Variants in SND1 observed in about 807,000 individuals in gnomAD.
The protein encoded by SND1 is staphylococcal nuclease and tudor domain containing 1.
In SND1, 38 loss-of-function variants were observed where a neutral mutation model predicts 121.7. That is an observed-to-expected ratio of 0.31 (90% CI 0.24 to 0.41). The LOEUF (loss-of-function observed/expected upper bound fraction) is 0.41, where lower values mean the gene tolerates loss of function less well. SND1 is among the 10% of genes least tolerant of loss of function. SND1 has a pLI of 1.00. For synonymous variants in SND1, 401 were observed against 447.4 expected (o/e 0.90, Z 1.31); for missense variants, 868 against 1,184.6 (o/e 0.73, Z 3.92).
intron 10 of SND1, among the ~76,000 whole-genome samples, chr7:127,759,020 C>T (rs1403251606): frequency 6.6e-6 from 1 of 151,806 alleles, no homozygotes; most frequent in Non-Finnish European, 1.5e-5. Flanking sequence ...TGCCACTGCA[C>T]TCTGGCCTGG....
chr7:127,808,162 T>C lies in SND1; in HGVS notation c.1242+589T>C, dbSNP rs941539069. On this transcript the variant is annotated intron_variant, in intron 11 of 23. Transcript: ENST00000354725. ...CAGATTTTTGTGTAGCTTGATGGCT[T>C]CTTTTTTTTTTTTTTTTTGAGACAA... Among the ~76,000 whole-genome samples, 10 of 127,480 alleles carry C rather than the reference T, an allele frequency of 7.8e-5. 1 individual carries two copies. The highest frequency in any genetic ancestry group is 1.6e-4 in the Non-Finnish European group (10 of 62,862). 83.6% of individuals were successfully genotyped at this position (127,480 alleles called of 152,430 possible). A position where few individuals can be genotyped will look rare whatever the true frequency, so the allele number is the denominator to read the frequency against.
chr7:127,925,191 T>C (rs549328794), intron 14 of SND1, among the ~76,000 whole-genome samples: 1 of 152,280 alleles, frequency 6.6e-6, no homozygotes, highest in Admixed American at 6.5e-5. Flanking sequence ...TTTCTAAGAG[T>C]ACAGGAAAAT....
At chr7:127,877,858 A>G (rs997675256) in intron 12 of SND1, among the ~76,000 whole-genome samples, 56 of 152,098 alleles carry the variant, frequency 3.7e-4, no homozygotes, top group African/African-American at 1.2e-3. Flanking sequence ...CAGGGCTCAA[A>G]TGTAAGCTGC....
intron 2 of SND1, among the ~76,000 whole-genome samples, chr7:127,693,338 G>A (rs1048887307): frequency 1.3e-5 from 2 of 152,096 alleles, no homozygotes; most frequent in Non-Finnish European, 2.9e-5. Context: ...AGTGAATTGG[G>A]TTGGCCTCTG....
chr7:127,709,415 C>T (rs535875778), intron 9 of SND1, among the ~76,000 whole-genome samples: 6 of 152,256 alleles, frequency 3.9e-5, no homozygotes, highest in Non-Finnish European at 5.9e-5. Context: ...AGTACCCTGT[C>T]GTGTTCCTAC....
chr7:128,047,079 T>C (rs1178192653), intron 16 of SND1, among the ~76,000 whole-genome samples: 1 of 152,242 alleles, frequency 6.6e-6, no homozygotes, highest in African/African-American at 2.4e-5. Context: ...TGCAATCCTA[T>C]ATATTTCATG....
chr7:127,897,825 C>T (rs1252682990), intron 13 of SND1, among the ~76,000 whole-genome samples: 1 of 152,114 alleles, frequency 6.6e-6, no homozygotes, highest in Non-Finnish European at 1.5e-5. Context: ...AAAAGTGGTA[C>T]TTAAACGGTG....
chr7:127,688,481 G>A (rs1330033362), intron 2 of SND1, among the ~76,000 whole-genome samples: 2 of 150,398 alleles, frequency 1.3e-5, no homozygotes, highest in Non-Finnish European at 2.9e-5. Context: ...GCTGAGTGGG[G>A]ATGATTGCTT....
At chr7:127,951,995 A>C (rs1801473131) in intron 15 of SND1, among the ~76,000 whole-genome samples, 1 of 152,186 alleles carries the variant, frequency 6.6e-6, no homozygotes, top group South Asian at 2.1e-4. Context: ...TTCCCAGAGC[A>C]GAATAAGCCC....
At chr7:128,008,462 T>TC (rs1249662858) in intron 16 of SND1, among the ~76,000 whole-genome samples, 1 of 150,936 alleles carries the variant, frequency 6.6e-6, no homozygotes, top group African/African-American at 2.4e-5. Flanking sequence ...GCTTTTTCTT[T>TC]CCTTTTTTTT....
At position 127,803,242 on chromosome 7, in the gene SND1, G is replaced by A. The variant is rs1398559334; in HGVS notation, c.1153-4242G>A. On this transcript the variant is annotated intron_variant, in intron 10 of 23. Coordinates refer to ENST00000354725, the MANE Select transcript of SND1 (RefSeq NM_014390.4). ...GCATCCCATACCTCTTTGAGTTTTT[G>A]ATAAAATCAATCTCAGTGCGGCCTG... 2.0e-5 allele frequency among the ~76,000 whole-genome samples: 3 copies of A among 152,182 alleles called. No individual in the cohort carries two copies. The South Asian group carries it at 6.2e-4, about 32-fold the overall frequency.
intron 2 of SND1, among the ~76,000 whole-genome samples, chr7:127,688,965 T>A (rs1233763863): frequency 1.3e-5 from 2 of 152,204 alleles, no homozygotes; most frequent in African/African-American, 2.4e-5. Flanking sequence ...GAAGCAATGG[T>A]ATAGATAATA....
chr7:127,711,440 C>T (rs1456541220), intron 9 of SND1, among the ~76,000 whole-genome samples: 2 of 152,092 alleles, frequency 1.3e-5, no homozygotes, highest in Non-Finnish European at 2.9e-5. Context: ...CAGTAGTTAT[C>T]AGAAACTTTT....
chr7:127,699,379 T>C (rs1471609363), intron 4 of SND1, among the ~76,000 whole-genome samples: 1 of 152,194 alleles, frequency 6.6e-6, no homozygotes, highest in Non-Finnish European at 1.5e-5. Flanking sequence ...CAAGTAGATA[T>C]ACAGTCAGTG....
chr7:127,862,908 A>G (rs3824000), intron 12 of SND1, among the ~76,000 whole-genome samples: 136,194 of 152,294 alleles, frequency 0.89, 61,187 homozygotes, highest in African/African-American at 0.97. Context: ...TGTGAAGTCA[A>G]GCTTCACCTT....
Position 127,707,565 on chromosome 7 carries a change from A to G in SND1, c.956A>G (p.Lys319Arg). 1 of 1,614,048 alleles carries G rather than the reference A, an allele frequency of 6.2e-7. No homozygotes were observed. ...CCTTGCTTTGTTGCCAGGTTTGCCA[A>G]AGAGCGCAGGCTGAGAATATGGAGA... is the stretch of plus-strand genomic sequence containing the variant. ...EKLRAAERFA[K>R]ERRLRIWRDY... The change falls in exon 9 of 24, where the codon AAA becomes AGA. Residue 319 changes from lysine (K) to arginine (R), a missense_variant. Physicochemically the swap from Lys to Arg is conservative, Grantham distance 26. Coordinates refer to ENST00000354725, the MANE Select transcript of SND1 (RefSeq NM_014390.4).
intron 11 of SND1, among the ~76,000 whole-genome samples, chr7:127,831,971 CT>C (rs1188274564): frequency 6.6e-6 from 1 of 152,170 alleles, no homozygotes; most frequent in East Asian, 1.9e-4. Context: ...CCATGTTTCC[CT>C]CACTTTTGTT....
At chr7:128,065,211 A>C (rs1793292756) in intron 16 of SND1, among the ~76,000 whole-genome samples, 1 of 152,242 alleles carries the variant, frequency 6.6e-6, no homozygotes, top group Non-Finnish European at 1.5e-5. Context: ...TGTGATCTGG[A>C]GCCAAGTTCA....
chr7:127,786,047 G>A (rs915872061), intron 10 of SND1, among the ~76,000 whole-genome samples: 16 of 151,614 alleles, frequency 1.1e-4, no homozygotes, highest in Admixed American at 8.5e-4. Context: ...ACATTTTTGC[G>A]GACACTTCCT....
Sources: allele counts gnomAD v4.1 joint callset (sites outside exome capture counted in the v4.1 genomes callset), GRCh38; gene constraint gnomAD v4.1.1; transcripts MANE v1.5; gene names NCBI Gene and HGNC (gene_info 2026-07-23, HGNC 2026-07-21).